The following C6 variants were observed in gnomAD, a reference collection of about 807,000 sequenced individuals.
C6 encodes complement C6.
Under a neutral mutation model 112.9 loss-of-function variants are expected in C6, and 101 were observed. The observed-to-expected ratio is 0.89, with a 90% confidence interval of 0.76 to 1.06. The LOEUF is 1.06. Among genes scored for constraint, C6 ranks in the 50% least tolerant of loss-of-function variants. The pLI, the probability that C6 is intolerant of heterozygous loss-of-function variation, is 0.00. For synonymous variants in C6, 431 were observed against 384.1 expected (o/e 1.12, Z -1.43); for missense variants, 1,202 against 1,104.6 (o/e 1.09, Z -1.25).
intron 17 of C6, among the ~76,000 whole-genome samples, chr5:41,143,744 A>T (rs1053836456): frequency 6.6e-6 from 1 of 152,038 alleles, no homozygotes; most frequent in East Asian, 1.9e-4. Flanking sequence ...TCCATATCAC[A>T]TTTGTTTCTT....
intron 1 of C6, among the ~76,000 whole-genome samples, chr5:41,229,326 T>C (rs1175583750): frequency 6.7e-6 from 1 of 150,042 alleles, no homozygotes; most frequent in Non-Finnish European, 1.5e-5. Flanking sequence ...ATAAACTTCA[T>C]TCAGAACTTT....
intron 5 of C6, among the ~76,000 whole-genome samples, chr5:41,192,259 AT>A (rs1750274078): frequency 6.6e-6 from 1 of 152,182 alleles, no homozygotes; most frequent in South Asian, 2.1e-4. Context: ...TATAGTAGAT[AT>A]CTGGGATGTA....
chr5:41,210,328 C>T (rs1306171178), intron 1 of C6, among the ~76,000 whole-genome samples: 11 of 152,174 alleles, frequency 7.2e-5, no homozygotes, highest in Non-Finnish European at 1.5e-4. Flanking sequence ...ATGACTAAAA[C>T]ACCAAAAGCA....
At chr5:41,177,992 C>A (rs1748995328) in intron 7 of C6, among the ~76,000 whole-genome samples, 1 of 152,164 alleles carries the variant, frequency 6.6e-6, no homozygotes. Context: ...ACTGCCCTTT[C>A]TGGAAGGTTC....
intron 13 of C6, among the ~76,000 whole-genome samples, chr5:41,155,590 A>G (rs1302953664): frequency 6.6e-6 from 1 of 152,078 alleles, no homozygotes; most frequent in African/African-American, 2.4e-5. Context: ...AGTAGCGAGA[A>G]GTGGTGGCAT....
chr5:41,260,174 C>T (rs28534542), intron 1 of C6, among the ~76,000 whole-genome samples: 3,885 of 152,034 alleles, frequency 0.026, 165 homozygotes, highest in African/African-American at 0.088. Flanking sequence ...CCACTATAAG[C>T]TTATTATAAG....
chr5:41,173,784 G>T (rs1748623470), intron 8 of C6, among the ~76,000 whole-genome samples: 1 of 152,102 alleles, frequency 6.6e-6, no homozygotes, highest in African/African-American at 2.4e-5. Flanking sequence ...CATTTTTTGT[G>T]ACAGTTTTGA....
chr5:41,156,180 G>A (rs906816688), intron 13 of C6, among the ~76,000 whole-genome samples: 2 of 151,984 alleles, frequency 1.3e-5, no homozygotes, highest in Non-Finnish European at 2.9e-5. Context: ...GCCATTCTTC[G>A]AACATAAACT....
chr5:41,160,408 T>C, intron 10 of C6, 41 bp from the exon 11 acceptor site: 1 of 1,502,432 alleles, frequency 6.7e-7, no homozygotes. Context: ...TCACATCCCC[T>C]TTGGTAATAG....
intron 17 of C6, among the ~76,000 whole-genome samples, chr5:41,147,290 A>G (rs1187510361): frequency 6.6e-6 from 1 of 152,210 alleles, no homozygotes; most frequent in Non-Finnish European, 1.5e-5. Flanking sequence ...AAGTTATTTA[A>G]TAGTGATTAG....
At chr5:41,240,798 T>G (rs1740658877) in intron 1 of C6, among the ~76,000 whole-genome samples, 1 of 152,098 alleles carries the variant, frequency 6.6e-6, no homozygotes, top group East Asian at 1.9e-4. Flanking sequence ...CCCAGGTCCC[T>G]TAGTGGCTAG....
intron 1 of C6, among the ~76,000 whole-genome samples, chr5:41,206,646 T>C (rs1157428332): frequency 2.0e-5 from 3 of 151,946 alleles, no homozygotes; most frequent in Non-Finnish European, 2.9e-5. Flanking sequence ...ATCAAATGAA[T>C]GAAATGAAGT....
chr5:41,158,655 T>A lies in C6; in HGVS notation c.1968+19A>T. ...GGTTTTTAAAACTACAAACCAAAAGTGAGGTTTAGGATGCTGACCCGGATA... is the reference window on the plus strand; with the variant it reads ...GGTTTTTAAAACTACAAACCAAAAGAGAGGTTTAGGATGCTGACCCGGATA... On this transcript the variant is annotated intron_variant, in intron 13 of 17. Transcript: ENST00000337836. 1 of 1,394,246 alleles carries A rather than the reference T, an allele frequency of 7.2e-7. No individual in the cohort carries two copies. Among genetic ancestry groups the A allele is most frequent in the Non-Finnish European group, 1.0e-6 (1 of 979,408 alleles). 86.4% of individuals were successfully genotyped at this position (1,394,246 alleles called of 1,614,324 possible). A position where few individuals can be genotyped will look rare whatever the true frequency, so the allele number is the denominator to read the frequency against.
At chr5:41,191,521 A>G (rs1750213239) in intron 5 of C6, among the ~76,000 whole-genome samples, 1 of 152,202 alleles carries the variant, frequency 6.6e-6, no homozygotes, top group South Asian at 2.1e-4. Context: ...CACTTTAACA[A>G]TAGTAATATT....
chr5:41,162,133 A>C (rs1342876279), intron 9 of C6, among the ~76,000 whole-genome samples: 1 of 152,206 alleles, frequency 6.6e-6, no homozygotes, highest in African/African-American at 2.4e-5. Flanking sequence ...TTCTCATGAC[A>C]ACCCTGAGAA....
At chr5:41,155,175 T>G (rs1406609895) in intron 13 of C6, 71 bp from the exon 14 acceptor site, 11 of 1,399,108 alleles carry the variant, frequency 7.9e-6, no homozygotes, top group African/African-American at 1.4e-5. Context: ...AGTCTCACAC[T>G]GATCCTTTCT....
intron 1 of C6, among the ~76,000 whole-genome samples, chr5:41,240,434 G>C (rs191612980): frequency 6.6e-6 from 1 of 152,124 alleles, no homozygotes; most frequent in Non-Finnish European, 1.5e-5. Flanking sequence ...TCCTTGGGCC[G>C]CTGAGCAGCA....
chr5:41,239,112 T>TTTTC, intron 1 of C6, among the ~76,000 whole-genome samples: 1 of 31,490 alleles, frequency 3.2e-5, no homozygotes, highest in African/African-American at 8.5e-5. Flanking sequence ...CTTTTCTTTC[T>TTTTC]TTTTTTTTTT....
intron 7 of C6, among the ~76,000 whole-genome samples, chr5:41,179,660 A>G (rs1337864924): frequency 1.3e-5 from 2 of 148,400 alleles, no homozygotes; most frequent in Non-Finnish European, 3.0e-5. Context: ...ACTAAGTTAT[A>G]TATATATAAA....
Sources: allele counts gnomAD v4.1 joint callset (sites outside exome capture counted in the v4.1 genomes callset), GRCh38; gene constraint gnomAD v4.1.1; transcripts MANE v1.5; gene names NCBI Gene and HGNC (gene_info 2026-07-23, HGNC 2026-07-21).